Variants in EFCAB6 observed in about 807,000 individuals in gnomAD.
EFCAB6 encodes EF-hand calcium binding domain 6, also known as EF-hand calcium-binding domain-containing protein 6.
Under a neutral mutation model 169.8 loss-of-function variants are expected in EFCAB6, and 156 were observed. That is an observed-to-expected ratio of 0.92 (90% CI 0.81 to 1.05). EFCAB6 has a LOEUF of 1.05. EFCAB6 is among the 50% of genes least tolerant of loss of function. EFCAB6 has a pLI of 0.00. For synonymous variants in EFCAB6, 698 were observed against 676.4 expected (o/e 1.03, Z -0.50); for missense variants, 1,800 against 1,829.1 (o/e 0.98, Z 0.29).
chr22:43,593,343 C>T (rs1332641293), intron 23 of EFCAB6, among the ~76,000 whole-genome samples: 1 of 152,112 alleles, frequency 6.6e-6, no homozygotes, highest in East Asian at 1.9e-4. Context: ...CATGCCCATG[C>T]TCCGTGTGGA....
At chr22:43,562,369 TC>T (rs1489843309) in intron 26 of EFCAB6, among the ~76,000 whole-genome samples, 1 of 152,188 alleles carries the variant, frequency 6.6e-6, no homozygotes, top group African/African-American at 2.4e-5. Flanking sequence ...ATGGGGTGCT[TC>T]TCAGCTTCAA....
intron 23 of EFCAB6, 132 bp downstream of exon 23, chr22:43,599,937 T>C (rs1021616240): frequency 9.6e-7 from 1 of 1,037,484 alleles, no homozygotes; most frequent in African/African-American, 1.6e-5. Flanking sequence ...AATCGACAAC[T>C]GTGAACAAGC....
At position 43,537,209 on chromosome 22, in the gene EFCAB6, T is replaced by G; in HGVS notation, c.4048+168A>C. On this transcript the variant is annotated intron_variant, in intron 29 of 31. Transcript: ENST00000262726. The surrounding 1 kb of genome is among the most constrained non-coding windows in gnomAD (Gnocchi z 4.3). The stretch of plus-strand genomic sequence containing the variant: ...GCCGGGTAGTCGGAATCCTCCTCCA[T>G]GGGGACCTTTGTATAGTAAGCTGCA... 2.6e-6 allele frequency: 2 copies of G among 773,914 alleles called. No homozygotes were observed. The highest frequency in any genetic ancestry group is 4.1e-6 in the Non-Finnish European group (2 of 490,206). 47.9% of individuals were successfully genotyped at this position (773,914 alleles called of 1,614,324 possible). A position where few individuals can be genotyped will look rare whatever the true frequency, so the allele number is the denominator to read the frequency against.
At chr22:43,782,142 T>A (rs1478060426) in intron 3 of EFCAB6, 38 bp downstream of exon 3, 1 of 1,588,674 alleles carries the variant, frequency 6.3e-7, no homozygotes, top group Non-Finnish European at 8.6e-7. Flanking sequence ...ATAAGTGATA[T>A]CTACAGTTAG....
intron 24 of EFCAB6, among the ~76,000 whole-genome samples, chr22:43,585,840 T>C (rs1302022936): frequency 6.6e-6 from 1 of 152,200 alleles, no homozygotes; most frequent in African/African-American, 2.4e-5. Flanking sequence ...CCAGAAATCA[T>C]GCAACCAAGA....
At chr22:43,586,821 T>C (rs536116550) in intron 24 of EFCAB6, among the ~76,000 whole-genome samples, 1 of 152,120 alleles carries the variant, frequency 6.6e-6, no homozygotes, top group Non-Finnish European at 1.5e-5. Context: ...ATCAGAAACT[T>C]TGGGGGAGGG....
intron 17 of EFCAB6, among the ~76,000 whole-genome samples, chr22:43,661,497 G>A (rs1485940976): frequency 6.6e-6 from 1 of 152,220 alleles, no homozygotes; most frequent in Non-Finnish European, 1.5e-5. Flanking sequence ...TCAGAGCAAC[G>A]AACGGAGACA....
chr22:43,704,820 C>T (rs909101363), intron 10 of EFCAB6, among the ~76,000 whole-genome samples: 1 of 149,722 alleles, frequency 6.7e-6, no homozygotes, highest in Non-Finnish European at 1.5e-5. Flanking sequence ...AAGGAAGATA[C>T]CAAGAGAGGA....
chr22:43,529,385 G>A (rs2046924020), intron 31 of EFCAB6, among the ~76,000 whole-genome samples: 1 of 152,210 alleles, frequency 6.6e-6, no homozygotes, highest in Non-Finnish European at 1.5e-5. Flanking sequence ...AGTGCAGAGA[G>A]TTGCTGTGAT....
At chr22:43,550,397 C>T (rs999275790) in intron 27 of EFCAB6, among the ~76,000 whole-genome samples, 1 of 152,134 alleles carries the variant, frequency 6.6e-6, no homozygotes, top group Non-Finnish European at 1.5e-5. Flanking sequence ...GAAGGCCGGG[C>T]GCGGTGGCTC....
At chr22:43,655,914 A>G (rs1477229996) in intron 17 of EFCAB6, among the ~76,000 whole-genome samples, 1 of 152,252 alleles carries the variant, frequency 6.6e-6, no homozygotes, top group Non-Finnish European at 1.5e-5. Context: ...TGACCTAATG[A>G]TAAAGGAAAC....
At chr22:43,717,872 T>C (rs1215884972) in intron 8 of EFCAB6, among the ~76,000 whole-genome samples, 1 of 152,230 alleles carries the variant, frequency 6.6e-6, no homozygotes, top group African/African-American at 2.4e-5. Context: ...AAGATGAATT[T>C]TATAAATGAA....
intron 26 of EFCAB6, among the ~76,000 whole-genome samples, chr22:43,564,409 C>A (rs900431678): frequency 6.6e-6 from 1 of 151,294 alleles, no homozygotes; most frequent in East Asian, 1.9e-4. Context: ...GACTGTGCCA[C>A]TGCACTCCAG....
intron 6 of EFCAB6, among the ~76,000 whole-genome samples, chr22:43,753,727 G>A (rs946556496): frequency 6.6e-6 from 1 of 152,210 alleles, no homozygotes; most frequent in African/African-American, 2.4e-5. Context: ...TAGGAAATAG[G>A]AGTGCTGGGG....
intron 22 of EFCAB6, among the ~76,000 whole-genome samples, chr22:43,607,757 G>C (rs1480583732): frequency 6.6e-6 from 1 of 152,168 alleles, no homozygotes; most frequent in Non-Finnish European, 1.5e-5. Flanking sequence ...TACGATGTTG[G>C]TATACCATCC....
At chr22:43,726,672 C>A (rs1441019464) in intron 8 of EFCAB6, among the ~76,000 whole-genome samples, 5 of 152,268 alleles carry the variant, frequency 3.3e-5, no homozygotes, top group Non-Finnish European at 5.9e-5. Context: ...GGAAGGAAAA[C>A]CCAAAAGGAA....
intron 15 of EFCAB6, among the ~76,000 whole-genome samples, chr22:43,671,360 C>T (rs971815681): frequency 6.6e-6 from 1 of 152,022 alleles, no homozygotes; most frequent in East Asian, 1.9e-4. Context: ...TGCCACCATG[C>T]CTGGCTTAAT....
intron 1 of EFCAB6, among the ~76,000 whole-genome samples, chr22:43,809,946 G>C (rs2063052961): frequency 6.6e-6 from 1 of 151,972 alleles, no homozygotes; most frequent in African/African-American, 2.4e-5. Flanking sequence ...TGTCGCCCAG[G>C]CTGGAGTACA....
intron 26 of EFCAB6, among the ~76,000 whole-genome samples, chr22:43,555,560 G>A (rs995248164): frequency 6.6e-6 from 1 of 152,206 alleles, no homozygotes; most frequent in African/African-American, 2.4e-5. Flanking sequence ...TTGAAAGGGG[G>A]GTTTTGATGA....
Sources: gnomAD v4.1 joint callset for allele counts (sites outside exome capture counted in the v4.1 genomes callset) on GRCh38, gnomAD v4.1.1 for gene constraint, Gnocchi (gnomAD v3.1) non-coding constraint, MANE v1.5 for transcripts, NCBI Gene and HGNC (gene_info 2026-07-23, HGNC 2026-07-21) for gene names.